PIK3R4: variants seen among roughly 807,000 people sequenced by gnomAD.
PIK3R4 encodes the protein phosphoinositide-3-kinase regulatory subunit 4, also known as phosphoinositide 3-kinase regulatory subunit 4.
Under a neutral mutation model 136.5 loss-of-function variants are expected in PIK3R4, and 46 were observed. The observed-to-expected ratio is 0.34, with a 90% CI of 0.27 to 0.43. PIK3R4 has a LOEUF of 0.43. Ranked by LOEUF, PIK3R4 falls within the 20% of genes least tolerant of loss-of-function variation. The pLI is 1.00. For synonymous variants in PIK3R4, 557 were observed against 566.7 expected (o/e 0.98, Z 0.24); for missense variants, 1,331 against 1,649.5 (o/e 0.81, Z 3.35).
At position 130,679,080 on chromosome 3, in the gene PIK3R4, T is replaced by A. The variant is rs538342407; in HGVS notation, c.*235A>T. The A allele has an allele frequency of 3.5e-6, 1 of 288,506 alleles. No homozygotes were observed. The highest frequency in any genetic ancestry group is 2.2e-5 in the African/African-American group (1 of 45,798). 17.9% of individuals were successfully genotyped at this position (288,506 alleles called of 1,614,324 possible). On this transcript the variant is annotated 3_prime_UTR_variant, in exon 20 of 20. Transcript: ENST00000356763. ...TTACATTTCTCACCTCTATAACATA[T>A]ACAATAAAAATCCCAGACATTGTTG...
chr3:130,722,385 TAGA>T (rs2066706593), intron 7 of PIK3R4, among the ~76,000 whole-genome samples: 1 of 152,166 alleles, frequency 6.6e-6, no homozygotes, highest in African/African-American at 2.4e-5. Context: ...GATCAAAGAC[TAGA>T]AATAGCAAGG....
intron 7 of PIK3R4, among the ~76,000 whole-genome samples, chr3:130,721,281 G>C (rs946370072): frequency 1.3e-5 from 2 of 149,828 alleles, no homozygotes; most frequent in African/African-American, 4.9e-5. Context: ...AGCTTGCAGT[G>C]AGCCAAGACG....
chr3:130,725,896 T>C, intron 6 of PIK3R4: 1 of 152,116 alleles, frequency 6.6e-6, no homozygotes, highest in East Asian at 1.9e-4. Context: ...GTTATCATTT[T>C]ACCCTTCCAA....
At chr3:130,691,263 A>G (rs934184224) in intron 13 of PIK3R4, among the ~76,000 whole-genome samples, 5 of 152,192 alleles carry the variant, frequency 3.3e-5, no homozygotes, top group Non-Finnish European at 5.9e-5. Context: ...CTTTGGAATC[A>G]CGGACTTCTA....
At chr3:130,686,537 T>C (rs555327860) in intron 14 of PIK3R4, 115 bp from the exon 15 acceptor site, 2 of 651,210 alleles carry the variant, frequency 3.1e-6, no homozygotes, top group Non-Finnish European at 5.4e-6. Flanking sequence ...TATGTGACTC[T>C]ATCAAGAAAA....
intron 4 of PIK3R4, among the ~76,000 whole-genome samples, chr3:130,733,303 A>G (rs1418484330): frequency 2.0e-5 from 3 of 152,250 alleles, no homozygotes; most frequent in African/African-American, 7.2e-5. Context: ...AGTCGAATGT[A>G]GTATTCCTAA....
chr3:130,709,711 T>C (rs1457653644), intron 9 of PIK3R4, among the ~76,000 whole-genome samples: 1 of 152,128 alleles, frequency 6.6e-6, no homozygotes, highest in African/African-American at 2.4e-5. Flanking sequence ...AATGAAATAC[T>C]GATACATGCT....
chr3:130,719,599 A>G (rs190567098), intron 7 of PIK3R4, among the ~76,000 whole-genome samples: 14 of 152,234 alleles, frequency 9.2e-5, no homozygotes, highest in Admixed American at 6.5e-4. Context: ...TTTCCCTGTG[A>G]TAAGAGGGAA....
intron 13 of PIK3R4, among the ~76,000 whole-genome samples, chr3:130,700,364 C>G (rs1191758859): frequency 1.3e-5 from 2 of 152,136 alleles, no homozygotes; most frequent in Non-Finnish European, 2.9e-5. Flanking sequence ...CCAATTTCAA[C>G]GAATACCAAA....
At position 130,710,000 on chromosome 3, in the gene PIK3R4, G is replaced by A. The variant is rs1262964410; in HGVS notation, c.2332-1508C>T. On this transcript the variant is annotated intron_variant, in intron 9 of 19. Coordinates refer to ENST00000356763, the MANE Select transcript of PIK3R4 (RefSeq NM_014602.3). Reference sequence around the variant, plus strand: ...AAAACCAGCAAGTTGTACACTTTAAGAGTGAATTTTATGGTAGTGAATTGT... The same window carrying A: ...AAAACCAGCAAGTTGTACACTTTAAAAGTGAATTTTATGGTAGTGAATTGT... 3.3e-5 allele frequency among the ~76,000 whole-genome samples: 5 copies of A among 152,096 alleles called. No homozygotes were observed. In the East Asian group the frequency reaches 9.6e-4, roughly 29 times the overall value.
intron 16 of PIK3R4, among the ~76,000 whole-genome samples, chr3:130,683,356 TAGG>T (rs1203290944): frequency 6.6e-6 from 1 of 152,098 alleles, no homozygotes; most frequent in East Asian, 1.9e-4. Context: ...AGAGCCAGTG[TAGG>T]AGAAGTGGTT....
intron 7 of PIK3R4, among the ~76,000 whole-genome samples, chr3:130,721,039 A>T (rs112940906): frequency 0.21 from 29,074 of 139,452 alleles, 3,018 homozygotes; most frequent in South Asian, 0.36. Context: ...CCTGTGTCTT[A>T]AAAAAAAAAA....
chr3:130,711,972 G>C (rs571241305), intron 9 of PIK3R4, among the ~76,000 whole-genome samples: 3 of 152,228 alleles, frequency 2.0e-5, no homozygotes, highest in African/African-American at 7.2e-5. Flanking sequence ...TTTTTTAAAG[G>C]AGTGAAATCA....
At chr3:130,697,816 C>T (rs73868945) in intron 13 of PIK3R4, among the ~76,000 whole-genome samples, 5,689 of 152,220 alleles carry the variant, frequency 0.037, 376 homozygotes, top group African/African-American at 0.13. Flanking sequence ...GTTATCTTTA[C>T]TGGTGCTCTT....
intron 2 of PIK3R4, among the ~76,000 whole-genome samples, chr3:130,742,637 C>A (rs561366917): frequency 3.3e-5 from 5 of 152,154 alleles, no homozygotes; most frequent in Non-Finnish European, 7.3e-5. Flanking sequence ...TAGGTGCAAT[C>A]CTGAATAACA....
Position 130,745,036 on chromosome 3 carries a change from T to C in PIK3R4, c.183A>G (p.Thr61=), listed in dbSNP as rs372169386. Reference sequence around the variant, plus strand: ...CTTGTTTATAGCTGGTTAAAGGCAATGTGGGATCCTGAATTGCAAAAACCT... The same window carrying C: ...CTTGTTTATAGCTGGTTAAAGGCAACGTGGGATCCTGAATTGCAAAAACCT... The part of the protein sequence containing the change: ...VVKVFAIQDP[T]LPLTSYKQEL... The change falls in exon 2 of 20, where the codon ACA becomes ACG. Residue 61 remains threonine, a synonymous_variant. Transcript: ENST00000356763. The C allele has an allele frequency of 5.0e-6, 8 of 1,613,832 alleles. No homozygotes were observed. In the African/African-American group the frequency reaches 9.4e-5, roughly 19 times the overall value.
chr3:130,712,242 G>GTC (rs2066636578), intron 9 of PIK3R4, among the ~76,000 whole-genome samples: 1 of 151,818 alleles, frequency 6.6e-6, no homozygotes, highest in African/African-American at 2.4e-5. Context: ...CCCATGATGT[G>GTC]TCTCAAGTAC....
intron 6 of PIK3R4, among the ~76,000 whole-genome samples, chr3:130,726,806 C>A (rs1455698937): frequency 6.7e-6 from 1 of 148,546 alleles, no homozygotes; most frequent in Non-Finnish European, 1.5e-5. Context: ...ATGAATTGAC[C>A]AATAGATAGG....
chr3:130,684,755 G>A (rs1276619229), intron 15 of PIK3R4, among the ~76,000 whole-genome samples: 1 of 152,220 alleles, frequency 6.6e-6, no homozygotes, highest in East Asian at 1.9e-4. Flanking sequence ...ACCCAAAGAT[G>A]TTTTACTGGT....
Sources: gnomAD v4.1 joint callset for allele counts (sites outside exome capture counted in the v4.1 genomes callset) on GRCh38, gnomAD v4.1.1 for gene constraint, MANE v1.5 for transcripts, NCBI Gene and HGNC (gene_info 2026-07-23, HGNC 2026-07-21) for gene names.